ENPP3: variants seen among roughly 807,000 people sequenced by gnomAD.
ENPP3 encodes ectonucleotide pyrophosphatase/phosphodiesterase family member 3.
ENPP3 carries 104 observed loss-of-function variants against 117.8 expected under a neutral mutation model. The observed-to-expected ratio is 0.88, with a 90% confidence interval of 0.75 to 1.04. The LOEUF is 1.04. Among genes scored for constraint, ENPP3 ranks in the 50% least tolerant of loss-of-function variants. The pLI is 0.00. For synonymous variants in ENPP3, 380 were observed against 349.9 expected (o/e 1.09, Z -0.96); for missense variants, 1,026 against 1,051.9 (o/e 0.98, Z 0.34).
chr6:131,652,026 T>C (rs772152111), intron 3 of ENPP3, among the ~76,000 whole-genome samples: 12 of 152,236 alleles, frequency 7.9e-5, no homozygotes, highest in Non-Finnish European at 1.5e-4. Flanking sequence ...CCTAAGTCCA[T>C]AGCCTGGGAG....
At chr6:131,732,962 C>T (rs1452837404) in intron 20 of ENPP3, among the ~76,000 whole-genome samples, 1 of 151,690 alleles carries the variant, frequency 6.6e-6, no homozygotes, top group South Asian at 2.1e-4. Flanking sequence ...CTGCTGACCT[C>T]GTGATCTGCC....
At chr6:131,723,802 TTC>T (rs4053085) in intron 18 of ENPP3, among the ~76,000 whole-genome samples, 50 of 137,076 alleles carry the variant, frequency 3.6e-4, no homozygotes, top group South Asian at 1.3e-3. Flanking sequence ...TTTTTGCAAA[TTC>T]TCTCTCTCTC....
At chr6:131,709,508 G>C in intron 15 of ENPP3, 1 of 1,613,600 alleles carries the variant, frequency 6.2e-7, no homozygotes, top group Middle Eastern at 1.7e-4. Context: ...AGTGCATTAG[G>C]ATCTTTTTCT....
rs574482643 is a variant in ENPP3, at chr6:131,675,704, C to T, written c.872+515C>T. On this transcript the variant is annotated intron_variant, in intron 9 of 24. Transcript: ENST00000357639. ...CAAAAATTAGCTGGGCATGGTGGCG[C>T]ATTACCTCTAATCTTGGCTACTCTG... Among the ~76,000 whole-genome samples the T allele has an allele frequency of 7.9e-5, 12 of 152,148 alleles. No individual in the cohort carries two copies. In the South Asian group the frequency reaches 1.9e-3, roughly 24 times the overall value.
In ENPP3 at chr6:131,650,064, A is replaced by G. The variant is rs528378189; in HGVS notation, c.192A>G (p.Arg64=). 1.2e-6 allele frequency: 2 copies of G among 1,614,066 alleles called. No individual in the cohort carries two copies. The highest frequency in any genetic ancestry group is 2.2e-5 in the South Asian group (2 of 91,078). Residue 64 remains arginine (R), a synonymous_variant, in exon 3 of 25, where the codon AGA becomes AGG. Transcript: ENST00000357639. The stretch of plus-strand genomic sequence containing the variant: ...AGAAGTGCTTTGATGCATCATTTAG[A>G]GGACTGGAGAACTGCCGGTGTGATG... ...CRKKCFDASF[R]GLENCRCDVA...
intron 6 of ENPP3, among the ~76,000 whole-genome samples, chr6:131,669,327 G>T (rs769606565): frequency 6.6e-6 from 1 of 151,978 alleles, no homozygotes; most frequent in Non-Finnish European, 1.5e-5. Flanking sequence ...TTAAGTCCTG[G>T]AGCAGTTCTC....
chr6:131,679,243 C>T (rs1052065447), intron 11 of ENPP3, among the ~76,000 whole-genome samples: 12 of 151,412 alleles, frequency 7.9e-5, no homozygotes, highest in Admixed American at 2.0e-4. Flanking sequence ...TACAGGCATG[C>T]GCCACCACGC....
At chr6:131,739,593 C>CT (rs71270397) in intron 23 of ENPP3, among the ~76,000 whole-genome samples, 10,640 of 87,378 alleles carry the variant, frequency 0.12, 930 homozygotes, top group East Asian at 0.16. Flanking sequence ...TCATGCTCTG[C>CT]TTTTTTTTTT....
Position 131,694,532 on chromosome 6 carries a change from T to A in ENPP3, c.1412+908T>A, listed in dbSNP as rs12204934. ...TGAATGTAATGCCAGGGGGATAGAA[T>A]GACAATGGCAATACAGTGGCTAAGA... On this transcript the variant is annotated intron_variant, in intron 15 of 24. Transcript: ENST00000357639. Among the ~76,000 whole-genome samples, 1,282 of 152,242 alleles carry A rather than the reference T, an allele frequency of 8.4e-3. 10 individuals carry two copies. The highest frequency in any genetic ancestry group is 0.034 in the Middle Eastern group (10 of 294).
intron 11 of ENPP3, among the ~76,000 whole-genome samples, chr6:131,681,703 A>G (rs1779027301): frequency 6.6e-6 from 1 of 152,222 alleles, no homozygotes; most frequent in Non-Finnish European, 1.5e-5. Context: ...ATTTCCTTAT[A>G]GTTTTCTGTG....
At chr6:131,718,566 A>G in intron 15 of ENPP3, 106 bp from the exon 16 acceptor site, 1 of 493,114 alleles carries the variant, frequency 2.0e-6, no homozygotes, top group South Asian at 5.3e-5. Flanking sequence ...TTGATAAAAA[A>G]ATTTACTTAT....
intron 6 of ENPP3, among the ~76,000 whole-genome samples, chr6:131,659,167 G>C (rs530299158): frequency 4.5e-4 from 69 of 152,304 alleles, no homozygotes; most frequent in Admixed American, 3.8e-3. Context: ...AGAAGTTGAG[G>C]CTGGATGTGG....
At position 131,740,009 on chromosome 6, in the gene ENPP3, A is replaced by G. The variant is rs1780492701; in HGVS notation, c.2301-215A>G. On this transcript the variant is annotated intron_variant, in intron 23 of 24. Coordinates refer to ENST00000357639, the MANE Select transcript of ENPP3 (RefSeq NM_005021.5). ...ATATATATATTTACATATTTATACC[A>G]GCTTGTATTCCTTTGGTGGAGTCAG... 1.3e-4 allele frequency among the ~76,000 whole-genome samples: 19 copies of G among 151,918 alleles called. No individual in the cohort carries two copies. The South Asian group carries it at 3.7e-3, about 30-fold the overall frequency.
At chr6:131,654,183 T>A (rs1367227166) in intron 5 of ENPP3, among the ~76,000 whole-genome samples, 1 of 151,428 alleles carries the variant, frequency 6.6e-6, no homozygotes, top group Non-Finnish European at 1.5e-5. Flanking sequence ...CAGGCTGGAG[T>A]GCAGCAGTGG....
At position 131,679,089 on chromosome 6, in the gene ENPP3, T is replaced by TTTCTTTC. The variant is rs1562447085; in HGVS notation, c.1011+1149_1011+1150insTTCTTTC. 3.1e-3 allele frequency among the ~76,000 whole-genome samples: 250 copies of TTTCTTTC among 80,420 alleles called. 32 individuals carry two copies. The highest frequency in any genetic ancestry group is 7.9e-3 in the African/African-American group (129 of 16,370). The allele number at this position is 80,420 out of a possible 152,430, so 52.8% of individuals were successfully genotyped here. A position where few individuals can be genotyped will look rare whatever the true frequency, so the allele number is the denominator to read the frequency against. ...TCTTTCTTTCTTTCTTTCTTTCTTT[T>TTTCTTTC]CTTCTTTCTTTCTTTCCTTTTTTGA... On this transcript the variant is annotated intron_variant, in intron 11 of 24. Coordinates refer to ENST00000357639, the MANE Select transcript of ENPP3 (RefSeq NM_005021.5).
At chr6:131,744,674 T>C (rs1780595571) in intron 24 of ENPP3, among the ~76,000 whole-genome samples, 1 of 152,128 alleles carries the variant, frequency 6.6e-6, no homozygotes, top group Non-Finnish European at 1.5e-5. Flanking sequence ...ATCACTGGAC[T>C]GTAAGTGGCT....
intron 16 of ENPP3, among the ~76,000 whole-genome samples, chr6:131,720,079 A>C (rs1779981761): frequency 6.6e-6 from 1 of 152,220 alleles, no homozygotes; most frequent in Non-Finnish European, 1.5e-5. Context: ...GTAGAGACAG[A>C]AGTAAATACA....
chr6:131,646,274 C>CTGTGTGTGTG lies in ENPP3; in HGVS notation c.155-3727_155-3718dup, dbSNP rs34014584. ...TCTCTTTTCTGAGGCTCTCAATACT[C>CTGTGTGTGTG]TGTGTGTGTGTGTGTGTGTGTGTGT... On this transcript the variant is annotated intron_variant, in intron 2 of 24. Coordinates refer to ENST00000357639, the MANE Select transcript of ENPP3 (RefSeq NM_005021.5). Among the ~76,000 whole-genome samples the CTGTGTGTGTG allele has an allele frequency of 7.4e-3, 1,073 of 145,584 alleles. 12 individuals carry two copies. Among genetic ancestry groups the CTGTGTGTGTG allele is most frequent in the African/African-American group, 0.025 (1,000 of 39,404 alleles).
intron 15 of ENPP3, among the ~76,000 whole-genome samples, chr6:131,702,284 C>T (rs1217554903): frequency 6.6e-6 from 1 of 150,860 alleles, no homozygotes; most frequent in East Asian, 2.0e-4. Flanking sequence ...TAAGGTTCGA[C>T]ATACCATCAG....
Sources: allele counts gnomAD v4.1 joint callset (sites outside exome capture counted in the v4.1 genomes callset), GRCh38; gene constraint gnomAD v4.1.1; transcripts MANE v1.5; gene names NCBI Gene and HGNC (gene_info 2026-07-23, HGNC 2026-07-21).